Variants in DPP6 observed in about 807,000 individuals in gnomAD.
DPP6 encodes the protein A-type potassium channel modulatory protein DPP6.
A neutral mutation model predicts 122.6 loss-of-function variants in DPP6; 69 were observed. The ratio of observed to expected loss-of-function variants is 0.56; its 90% CI spans 0.46 to 0.69. The LOEUF is 0.69. Among genes scored for constraint, DPP6 ranks in the 30% least tolerant of loss-of-function variants. The pLI, the probability that DPP6 is intolerant of heterozygous loss-of-function variation, is 0.00. For missense variants in DPP6, 928 were observed against 1,116.9 expected (o/e 0.83, Z 2.41); for synonymous variants, 418 against 433.1 (o/e 0.97, Z 0.43).
intron 4 of DPP6, among the ~76,000 whole-genome samples, chr7:154,552,020 C>G (rs965930650): frequency 3.3e-5 from 5 of 152,062 alleles, no homozygotes; most frequent in African/African-American, 9.7e-5. Context: ...AATTGTGTGC[C>G]CAAGTAAATC....
chr7:154,433,151 T>G (rs1370006737), intron 1 of DPP6, among the ~76,000 whole-genome samples: 1 of 132,724 alleles, frequency 7.5e-6, no homozygotes, highest in Non-Finnish European at 1.6e-5. Context: ...TTTTTTTTTT[T>G]TTTTTTTTTT....
intron 1 of DPP6, chr7:154,305,158 C>T (rs929466765): frequency 7.5e-6 from 6 of 802,060 alleles, no homozygotes; most frequent in Non-Finnish European, 9.1e-6. Flanking sequence ...CAGCGCGCAT[C>T]ACTCGGGTCC....
intron 1 of DPP6, among the ~76,000 whole-genome samples, chr7:154,287,891 G>A (rs1804958640): frequency 6.6e-6 from 1 of 152,202 alleles, no homozygotes; most frequent in Non-Finnish European, 1.5e-5. Flanking sequence ...AGGCGATGGG[G>A]CAGGATCCAT....
chr7:154,063,128 C>G lies in DPP6; in HGVS notation c.243+10065C>G, dbSNP rs1470516048. Among the ~76,000 whole-genome samples the G allele has an allele frequency of 1.6e-5, 2 of 122,700 alleles. 1 individual carries two copies. Among genetic ancestry groups the G allele is most frequent in the Non-Finnish European group, 3.5e-5 (2 of 56,786 alleles). The allele number at this position is 122,700 out of a possible 152,430, so 80.5% of individuals were successfully genotyped here. A position where few individuals can be genotyped will look rare whatever the true frequency, so the allele number is the denominator to read the frequency against. The stretch of plus-strand genomic sequence containing the variant: ...TACCCCCATCGCAGGGGGGGAGGCA[C>G]CCCCCACGAGAGTGGGGACTGAGAG... On this transcript the variant is annotated intron_variant, in intron 1 of 25. Transcript: ENST00000377770.
intron 1 of DPP6, among the ~76,000 whole-genome samples, chr7:154,013,111 T>C (rs943840829): frequency 4.6e-5 from 7 of 152,370 alleles, no homozygotes; most frequent in Admixed American, 6.5e-5. Context: ...GAAAACAGCC[T>C]TAAGCAGAGA....
chr7:154,004,904 G>C lies in DPP6; in HGVS notation c.51+117170G>C, dbSNP rs193003159. 3.4e-3 allele frequency among the ~76,000 whole-genome samples: 525 copies of C among 152,288 alleles called. 3 individuals carry two copies. Among genetic ancestry groups the C allele is most frequent in the African/African-American group, 0.012 (500 of 41,562 alleles). ...AGGTTCATTTCTCCTAATATATGCTGTCTGTACATTTGTCGCCTATAATAG... is the reference window on the plus strand; with the variant it reads ...AGGTTCATTTCTCCTAATATATGCTCTCTGTACATTTGTCGCCTATAATAG... On this transcript the variant is annotated intron_variant, in intron 1 of 25. Transcript: ENST00000404039.
intron 16 of DPP6, among the ~76,000 whole-genome samples, chr7:154,828,258 G>A (rs764579058): frequency 6.6e-6 from 1 of 152,086 alleles, no homozygotes. Flanking sequence ...AATGCTTCAG[G>A]GGGCAAAGTC....
intron 8 of DPP6, among the ~76,000 whole-genome samples, chr7:154,751,481 G>T (rs561945817): frequency 1.3e-5 from 2 of 151,790 alleles, no homozygotes; most frequent in African/African-American, 4.8e-5. Context: ...GTGGTGGTGG[G>T]TGTCTGTTGT....
At chr7:154,520,927 A>G (rs1826922728) in intron 3 of DPP6, among the ~76,000 whole-genome samples, 1 of 152,192 alleles carries the variant, frequency 6.6e-6, no homozygotes, top group African/African-American at 2.4e-5. Flanking sequence ...GTACCGGACA[A>G]TGCCTCGTAT....
chr7:154,544,922 C>T (rs1000098652), intron 4 of DPP6, among the ~76,000 whole-genome samples: 5 of 152,112 alleles, frequency 3.3e-5, no homozygotes, highest in African/African-American at 9.7e-5. Flanking sequence ...CGCATGTGGG[C>T]GGCTGCGTGG....
At chr7:153,887,231 C>G (rs1438314729) in exon 1 of DPP6, 1 of 153,322 alleles carries the variant, frequency 6.5e-6, no homozygotes, top group East Asian at 1.9e-4. Flanking sequence ...GGAGGAGCCC[C>G]CGGAGCCGGG....
chr7:154,455,544 T>G (rs1820753185), intron 2 of DPP6, among the ~76,000 whole-genome samples: 1 of 152,202 alleles, frequency 6.6e-6, no homozygotes, highest in South Asian at 2.1e-4. Context: ...AAGAAATAAT[T>G]AGGTTACATT....
At position 154,443,310 on chromosome 7, in the gene DPP6, G is replaced by T. The variant is rs186536328; in HGVS notation, c.244-2904G>T. Among the ~76,000 whole-genome samples the T allele has an allele frequency of 6.9e-3, 1,042 of 151,490 alleles. 5 individuals carry two copies. The highest frequency in any genetic ancestry group is 0.011 in the Non-Finnish European group (749 of 67,948). ...CTCTTAGTGAGCTGATCTGCTTATT[G>T]TTTGTCCCTTCCCCCATTCCTGCAC... On this transcript the variant is annotated intron_variant, in intron 1 of 25. Coordinates refer to ENST00000377770, the MANE Select transcript of DPP6 (RefSeq NM_130797.4).
chr7:154,484,708 T>A (rs1012532274), intron 3 of DPP6, among the ~76,000 whole-genome samples: 1 of 152,380 alleles, frequency 6.6e-6, no homozygotes. Flanking sequence ...TGTGTTTGTT[T>A]ACGCTCATTT....
chr7:154,073,630 A>G (rs1287446445), intron 1 of DPP6, among the ~76,000 whole-genome samples: 3 of 152,248 alleles, frequency 2.0e-5, no homozygotes, highest in African/African-American at 7.2e-5. Flanking sequence ...AATAATTGCA[A>G]TGTGTAAAGG....
At chr7:154,051,360 G>A (rs1360573529), upstream of DPP6, among the ~76,000 whole-genome samples, 4 of 145,354 alleles carry the variant, frequency 2.8e-5, no homozygotes, top group East Asian at 2.0e-4. Flanking sequence ...CAAGGAGGAC[G>A]TGGGGACGAG....
At chr7:154,867,489 T>G (rs1803985972) in intron 17 of DPP6, among the ~76,000 whole-genome samples, 1 of 152,170 alleles carries the variant, frequency 6.6e-6, no homozygotes, top group Non-Finnish European at 1.5e-5. Flanking sequence ...GAAGTTAAGG[T>G]CTCTCCAGAG....
chr7:154,187,035 C>A (rs1052882257), intron 1 of DPP6, among the ~76,000 whole-genome samples: 1 of 152,166 alleles, frequency 6.6e-6, no homozygotes, highest in African/African-American at 2.4e-5. Context: ...CTGGCAGTGC[C>A]ATGACTCAGT....
At chr7:153,788,019 T>C in the DPP6 span, among the ~76,000 whole-genome samples, 2 of 151,952 alleles carry the variant, frequency 1.3e-5, no homozygotes, top group African/African-American at 4.8e-5. Context: ...AGGCAATAAA[T>C]CATCTCTACC....
Sources: gnomAD v4.1 joint callset for allele counts (sites outside exome capture counted in the v4.1 genomes callset) on GRCh38, gnomAD v4.1.1 for gene constraint, MANE v1.5 for transcripts, NCBI Gene and HGNC (gene_info 2026-07-23, HGNC 2026-07-21) for gene names.